Variants in TRAPPC9 observed in about 807,000 individuals in gnomAD.
The protein encoded by TRAPPC9 is IKK2 binding protein.
A neutral mutation model predicts 124.0 loss-of-function variants in TRAPPC9; 83 were observed. The observed-to-expected ratio is 0.67, with a 90% CI of 0.56 to 0.80. The LOEUF is 0.80. Among genes scored for constraint, TRAPPC9 ranks in the 30% least tolerant of loss-of-function variants. The probability of loss-of-function intolerance (pLI) is 0.00; values close to 1 mark genes in which losing one functional copy is unlikely to be tolerated. For synonymous variants in TRAPPC9, 638 were observed against 617.5 expected (o/e 1.03, Z -0.49); for missense variants, 1,302 against 1,508.3 (o/e 0.86, Z 2.27).
chr8:140,297,405 GCATA>G (rs1277549245), intron 11 of TRAPPC9, among the ~76,000 whole-genome samples: 19 of 151,374 alleles, frequency 1.3e-4, no homozygotes, highest in South Asian at 1.0e-3. Flanking sequence ...ACATACAGAT[GCATA>G]CACATATACA....
At chr8:140,388,493 G>A (rs2068824114) in intron 7 of TRAPPC9, among the ~76,000 whole-genome samples, 1 of 152,080 alleles carries the variant, frequency 6.6e-6, no homozygotes, top group Admixed American at 6.6e-5. Context: ...AGACCAGCCT[G>A]ACCAACATGG....
chr8:140,221,506 C>T lies in TRAPPC9; in HGVS notation c.2509G>A (p.Val837Met). The change falls in exon 17 of 23, where the codon GTG (valine) becomes ATG (methionine). Residue 837 changes from valine (V) to methionine (M), a missense_variant. By Grantham distance (21) the Val-to-Met change is conservative. Coordinates refer to ENST00000438773, the MANE Select transcript of TRAPPC9 (RefSeq NM_001160372.4). ...VVRPRVEGKP[V>M]NPPESNKAGD... ...GCTTTGTTGCTCTCGGGTGGGTTCA[C>T]AGGTTTGCCCTCCACTCGGGGCCGA... The T allele has an allele frequency of 1.2e-6, 2 of 1,614,160 alleles. No homozygotes were observed. The highest frequency in any genetic ancestry group is 8.5e-7 in the Non-Finnish European group (1 of 1,180,014).
intron 17 of TRAPPC9, among the ~76,000 whole-genome samples, chr8:140,072,796 A>G (rs1239782546): frequency 6.6e-6 from 1 of 152,202 alleles, no homozygotes; most frequent in East Asian, 1.9e-4. Flanking sequence ...CACTAGATAC[A>G]TCTTCACTTC....
intron 19 of TRAPPC9, among the ~76,000 whole-genome samples, chr8:139,971,537 C>T (rs1836066201): frequency 6.6e-6 from 1 of 152,062 alleles, no homozygotes. Context: ...AGTCTCTGGG[C>T]CTGCCCCTGC....
intron 15 of TRAPPC9, among the ~76,000 whole-genome samples, chr8:140,272,130 C>CGATGGTGATGGTGATGGTGATGGT (rs1411570320): frequency 2.0e-5 from 2 of 100,382 alleles, no homozygotes; most frequent in African/African-American, 3.4e-5. Context: ...GTGATGGTGG[C>CGATGGTGATGGTGATGGTGATGGT]GATGGTGATG....
At chr8:140,258,529 C>A (rs780634850) in intron 15 of TRAPPC9, among the ~76,000 whole-genome samples, 1 of 152,146 alleles carries the variant, frequency 6.6e-6, no homozygotes, top group African/African-American at 2.4e-5. Context: ...AAATTCAAAC[C>A]GCCTGCTAGA....
chr8:139,954,430 G>C (rs187920241), intron 19 of TRAPPC9, among the ~76,000 whole-genome samples: 91 of 152,222 alleles, frequency 6.0e-4, no homozygotes, highest in Middle Eastern at 3.4e-3. Flanking sequence ...TGATCATAAG[G>C]GTGGGCCCTC....
At chr8:139,981,761 A>T (rs1356465631) in intron 19 of TRAPPC9, among the ~76,000 whole-genome samples, 1 of 152,224 alleles carries the variant, frequency 6.6e-6, no homozygotes, top group Non-Finnish European at 1.5e-5. Flanking sequence ...GAAGTTGTGG[A>T]GCCCCCAGGT....
chr8:140,179,496 A>G (rs372949181), intron 17 of TRAPPC9, among the ~76,000 whole-genome samples: 2 of 152,200 alleles, frequency 1.3e-5, no homozygotes, highest in Admixed American at 6.5e-5. Context: ...ATCACCCCAA[A>G]TATGGTCTAT....
Position 140,429,854 on chromosome 8 carries a change from C to G in TRAPPC9, c.860-3213G>C, listed in dbSNP as rs556377699. Among the ~76,000 whole-genome samples the G allele has an allele frequency of 1.1e-3, 168 of 151,468 alleles. 2 individuals carry two copies. The Middle Eastern group carries it at 0.054, about 49-fold the overall frequency. On this transcript the variant is annotated intron_variant, in intron 4 of 22. Coordinates refer to ENST00000438773, the MANE Select transcript of TRAPPC9 (RefSeq NM_001160372.4). ...TGTGTAGCACATTTTAAATGTTCAA[C>G]AGATGTTATCAGCCAGGTGTGGTGG... is the stretch of plus-strand genomic sequence containing the variant.
At chr8:140,377,190 G>C (rs1193463296) in intron 7 of TRAPPC9, among the ~76,000 whole-genome samples, 1 of 152,164 alleles carries the variant, frequency 6.6e-6, no homozygotes, top group Non-Finnish European at 1.5e-5. Flanking sequence ...TACCATCTTT[G>C]GGTTTAGTGA....
chr8:140,399,865 A>C (rs2069209209), intron 6 of TRAPPC9, among the ~76,000 whole-genome samples: 1 of 152,198 alleles, frequency 6.6e-6, no homozygotes. Flanking sequence ...TCCCCACCCA[A>C]ATCTCATCTT....
chr8:139,749,863 G>A, intron 21 of TRAPPC9, among the ~76,000 whole-genome samples: 1 of 152,214 alleles, frequency 6.6e-6, no homozygotes, highest in Non-Finnish European at 1.5e-5. Flanking sequence ...CTGAGACTCT[G>A]GGCAAGGAGC....
chr8:140,086,900 C>T (rs989494570), intron 17 of TRAPPC9, among the ~76,000 whole-genome samples: 2 of 151,984 alleles, frequency 1.3e-5, no homozygotes, highest in Non-Finnish European at 2.9e-5. Flanking sequence ...CCACTGTACT[C>T]TAGCCTGGGC....
At chr8:140,387,762 T>C (rs1563990807) in intron 7 of TRAPPC9, among the ~76,000 whole-genome samples, 1 of 152,140 alleles carries the variant, frequency 6.6e-6, no homozygotes, top group Non-Finnish European at 1.5e-5. Flanking sequence ...AGGAACACTT[T>C]TACACTGTTG....
At chr8:139,928,027 A>G (rs557624885) in intron 19 of TRAPPC9, among the ~76,000 whole-genome samples, 1 of 152,372 alleles carries the variant, frequency 6.6e-6, no homozygotes, top group East Asian at 1.9e-4. Flanking sequence ...TTCCTTGCGT[A>G]TAGACACATA....
At chr8:139,947,451 C>T (rs1374015598) in intron 19 of TRAPPC9, among the ~76,000 whole-genome samples, 1 of 152,180 alleles carries the variant, frequency 6.6e-6, no homozygotes, top group African/African-American at 2.4e-5. Flanking sequence ...AAAAATAGAC[C>T]TTTGTTATAT....
At position 140,273,877 on chromosome 8, in the gene TRAPPC9, T is replaced by C. The variant is rs1447507756; in HGVS notation, c.2278+1781A>G. 2.0e-5 allele frequency among the ~76,000 whole-genome samples: 3 copies of C among 152,164 alleles called. No homozygotes were observed. The East Asian group carries it at 5.8e-4, about 29-fold the overall frequency. On this transcript the variant is annotated intron_variant, in intron 15 of 22. Coordinates refer to ENST00000438773, the MANE Select transcript of TRAPPC9 (RefSeq NM_001160372.4). ...TTTATTTTCACTGTTTCTTCACACT[T>C]TGTTGTTCGGGGGAGATTTCAAGAG...
At chr8:139,741,625 T>C (rs754208325) in intron 21 of TRAPPC9, among the ~76,000 whole-genome samples, 16 of 152,110 alleles carry the variant, frequency 1.1e-4, no homozygotes, top group Non-Finnish European at 2.4e-4. Context: ...AACATCTCCA[T>C]CACCTTCAAA....
Sources: gnomAD v4.1 joint callset for allele counts (sites outside exome capture counted in the v4.1 genomes callset) on GRCh38, gnomAD v4.1.1 for gene constraint, MANE v1.5 for transcripts, NCBI Gene and HGNC (gene_info 2026-07-23, HGNC 2026-07-21) for gene names.